DGKH: variants seen among roughly 807,000 people sequenced by gnomAD.
DGKH encodes the protein DAG kinase eta.
DGKH carries 90 observed loss-of-function variants against 159.3 expected under a neutral mutation model. The observed-to-expected ratio is 0.57, with a 90% CI of 0.48 to 0.67. The LOEUF (loss-of-function observed/expected upper bound fraction) is 0.67, where lower values mean the gene tolerates loss of function less well. DGKH is among the 30% of genes least tolerant of loss of function. The probability of loss-of-function intolerance (pLI) is 0.00; values close to 1 mark genes in which losing one functional copy is unlikely to be tolerated. For missense variants in DGKH, 1,181 were observed against 1,506.1 expected, an observed-to-expected ratio of 0.78 and a Z score of 3.57; for synonymous variants, 536 against 553.8, an observed-to-expected ratio of 0.97 and a Z score of 0.45.
At chr13:42,069,262 A>G (rs1295466292) in intron 1 of DGKH, 2 of 1,095,810 alleles carry the variant, frequency 1.8e-6, no homozygotes, top group Non-Finnish European at 2.7e-6. Flanking sequence ...CTTACTTCAC[A>G]AAACTGATTT....
chr13:42,173,134 G>C (rs1450789920), intron 11 of DGKH, among the ~76,000 whole-genome samples: 2 of 151,940 alleles, frequency 1.3e-5, no homozygotes, highest in African/African-American at 4.8e-5. Flanking sequence ...ACCATGCCAG[G>C]CTATTTTTAA....
chr13:42,161,557 G>A (rs1956179423), intron 7 of DGKH, among the ~76,000 whole-genome samples: 2 of 146,316 alleles, frequency 1.4e-5, no homozygotes, highest in African/African-American at 2.4e-5. Flanking sequence ...CAAGGTGGGC[G>A]GATCATGGGG....
intron 3 of DGKH, among the ~76,000 whole-genome samples, chr13:42,152,846 A>T (rs937453714): frequency 2.4e-5 from 3 of 125,040 alleles, no homozygotes; most frequent in Admixed American, 1.5e-4. Flanking sequence ...CGCTGGGCCG[A>T]GTTCAAACCC....
Position 42,187,161 on chromosome 13 carries a change from T to C in DGKH, c.1638+13T>C. ...CGTGGCCAGTAAAGTAAGAGGGGAC[T>C]CTTCAGGGCATGAGAGTTGTTTATG... On this transcript the variant is annotated intron_variant, in intron 14 of 29. Coordinates refer to ENST00000337343, the MANE Select transcript of DGKH (RefSeq NM_178009.5). 5 of 1,607,106 alleles carry C rather than the reference T, an allele frequency of 3.1e-6. No homozygotes were observed. The highest frequency in any genetic ancestry group is 4.3e-6 in the Non-Finnish European group (5 of 1,173,720).
intron 1 of DGKH, among the ~76,000 whole-genome samples, chr13:42,056,747 C>T (rs1030025680): frequency 6.6e-6 from 1 of 152,144 alleles, no homozygotes; most frequent in African/African-American, 2.4e-5. Context: ...TAATCTACAG[C>T]ATGCAATCAT....
At chr13:42,068,594 T>C (rs1264148853) in intron 1 of DGKH, among the ~76,000 whole-genome samples, 1 of 152,204 alleles carries the variant, frequency 6.6e-6, no homozygotes, top group Non-Finnish European at 1.5e-5. Flanking sequence ...TTCATGCAAT[T>C]ATGTACAGTC....
chr13:42,057,595 T>C (rs1881857542), intron 1 of DGKH, among the ~76,000 whole-genome samples: 1 of 152,226 alleles, frequency 6.6e-6, no homozygotes, highest in Non-Finnish European at 1.5e-5. Flanking sequence ...TCCTGTGTGC[T>C]CCTTCTCAGT....
At chr13:42,256,273 G>A (rs571762874) in intron 30 of DGKH, 21 of 1,589,588 alleles carry the variant, frequency 1.3e-5, no homozygotes, top group African/African-American at 2.7e-5. Flanking sequence ...GGCTGCTGGC[G>A]GATGCTTCAG....
In DGKH at chr13:42,234,263, TAAAG is replaced by T. The variant is rs1958368114; in HGVS notation, c.*5077_*5080del. The T allele has an allele frequency of 6.6e-6, 1 of 152,184 alleles. No individual in the cohort carries two copies. Among genetic ancestry groups the T allele is most frequent in the African/African-American group, 2.4e-5 (1 of 41,450 alleles). The allele number at this position is 152,184 out of a possible 1,614,324, so 9.4% of individuals were successfully genotyped here. On this transcript the variant is annotated 3_prime_UTR_variant, in exon 30 of 30. Coordinates refer to ENST00000337343, the MANE Select transcript of DGKH (RefSeq NM_178009.5). Reference sequence around the variant, plus strand: ...AGATGCTTTAGCTAATTTTTATTAATAAAGAGGACAATATTTTTGTCTTCATGGA... The same window carrying T: ...AGATGCTTTAGCTAATTTTTATTAATAGGACAATATTTTTGTCTTCATGGA...
chr13:42,073,990 TCTC>T (rs1487830385), intron 1 of DGKH, among the ~76,000 whole-genome samples: 2 of 152,226 alleles, frequency 1.3e-5, no homozygotes, highest in Non-Finnish European at 2.9e-5. Context: ...GGAACTTAGT[TCTC>T]ATAGAAATTA....
chr13:42,146,758 T>C (rs1302329769), intron 3 of DGKH, among the ~76,000 whole-genome samples: 4 of 152,250 alleles, frequency 2.6e-5, no homozygotes, highest in African/African-American at 9.6e-5. Context: ...TGTATATGGA[T>C]AGAATATCCC....
intron 3 of DGKH, among the ~76,000 whole-genome samples, chr13:42,136,341 A>G (rs923746741): frequency 3.3e-5 from 5 of 152,214 alleles, no homozygotes; most frequent in South Asian, 4.1e-4. Flanking sequence ...CTTTTATCTC[A>G]TATTAATAAC....
intron 1 of DGKH, among the ~76,000 whole-genome samples, chr13:42,072,299 C>T (rs763959203): frequency 4.6e-5 from 7 of 152,104 alleles, no homozygotes; most frequent in African/African-American, 9.7e-5. Flanking sequence ...TAAGTGACTT[C>T]GGGTAAGTTA....
At chr13:42,192,730 A>G (rs1281369608) in intron 16 of DGKH, among the ~76,000 whole-genome samples, 1 of 151,656 alleles carries the variant, frequency 6.6e-6, no homozygotes, top group Non-Finnish European at 1.5e-5. Context: ...ATCTTCTCTC[A>G]CCTTACATCT....
chr13:42,169,084 G>T (rs917025327), intron 11 of DGKH, among the ~76,000 whole-genome samples: 5 of 152,052 alleles, frequency 3.3e-5, no homozygotes, highest in African/African-American at 1.2e-4. Context: ...AATACAGAAG[G>T]CTATGTTACT....
intron 21 of DGKH, among the ~76,000 whole-genome samples, chr13:42,207,101 CTT>C (rs1555276097): frequency 7.7e-6 from 1 of 129,108 alleles, no homozygotes; most frequent in African/African-American, 3.1e-5. Flanking sequence ...TTCTTTCTTT[CTT>C]TCTTTCTTTC....
chr13:42,222,181 G>C (rs141314565), intron 29 of DGKH, among the ~76,000 whole-genome samples: 2 of 152,156 alleles, frequency 1.3e-5, no homozygotes, highest in Admixed American at 6.5e-5. Context: ...ATTTTGTCAC[G>C]TTGTATTTTC....
intron 1 of DGKH, among the ~76,000 whole-genome samples, chr13:42,120,919 C>T (rs1347055223): frequency 6.6e-6 from 1 of 152,072 alleles, no homozygotes. Flanking sequence ...AGTTATGAAC[C>T]ACTGTCACAG....
upstream of DGKH, among the ~76,000 whole-genome samples, chr13:42,048,537 T>A (rs895941775): frequency 1.3e-5 from 2 of 152,098 alleles, no homozygotes; most frequent in African/African-American, 4.8e-5. This position sits in a 1 kb window ranked among gnomAD's most constrained non-coding sequence, Gnocchi z 6.7. Flanking sequence ...GTCCGTTACC[T>A]CTGCGTCCCA....
Sources: gnomAD v4.1 joint callset for allele counts (sites outside exome capture counted in the v4.1 genomes callset) on GRCh38, gnomAD v4.1.1 for gene constraint, Gnocchi (gnomAD v3.1) non-coding constraint, MANE v1.5 for transcripts, NCBI Gene and HGNC (gene_info 2026-07-23, HGNC 2026-07-21) for gene names.